The following CTNNA2 variants were observed in gnomAD, a reference collection of about 807,000 sequenced individuals.
CTNNA2 encodes the protein catenin alpha 2.
In CTNNA2, 42 loss-of-function variants were observed where a neutral mutation model predicts 101.0. The observed-to-expected ratio is 0.42, with a 90% CI of 0.32 to 0.54. The LOEUF (loss-of-function observed/expected upper bound fraction) is 0.54, where lower values mean the gene tolerates loss of function less well. CTNNA2 is among the 20% of genes least tolerant of loss of function. The probability of loss-of-function intolerance (pLI) is 0.14; values close to 1 mark genes in which losing one functional copy is unlikely to be tolerated. For synonymous variants in CTNNA2, 450 were observed against 456.4 expected (o/e 0.99, Z 0.18); for missense variants, 871 against 1,223.1 (o/e 0.71, Z 4.29).
intron 9 of CTNNA2, among the ~76,000 whole-genome samples, chr2:80,448,028 A>T (rs1683209067): frequency 6.6e-6 from 1 of 152,246 alleles, no homozygotes; most frequent in Non-Finnish European, 1.5e-5. Context: ...TAAACTCAAC[A>T]AATCAGAGCC....
chr2:80,415,325 G>A (rs915142491), intron 8 of CTNNA2, among the ~76,000 whole-genome samples: 1 of 152,018 alleles, frequency 6.6e-6, no homozygotes, highest in Non-Finnish European at 1.5e-5. Context: ...TTGCTACCTG[G>A]CATGACAAGA....
At chr2:79,871,566 C>G (rs1682581768) in intron 5 of CTNNA2, among the ~76,000 whole-genome samples, 1 of 152,128 alleles carries the variant, frequency 6.6e-6, no homozygotes, top group African/African-American at 2.4e-5. Flanking sequence ...CCTTCCTCCA[C>G]CTTTTTGTTC....
At chr2:80,603,545 G>T (rs1697738305) in intron 15 of CTNNA2, 1 of 151,992 alleles carries the variant, frequency 6.6e-6, no homozygotes, top group Non-Finnish European at 1.5e-5. Flanking sequence ...TTAAATAATA[G>T]AATATAAATA....
intron 3 of CTNNA2, among the ~76,000 whole-genome samples, chr2:79,845,490 A>G (rs564887868): frequency 2.0e-5 from 3 of 152,348 alleles, no homozygotes; most frequent in African/African-American, 7.2e-5. Context: ...ACAAGATGTC[A>G]CTGCTATCCA....
chr2:79,669,161 C>T (rs1215829588), intron 2 of CTNNA2, among the ~76,000 whole-genome samples: 1 of 152,168 alleles, frequency 6.6e-6, no homozygotes, highest in Admixed American at 6.5e-5. Context: ...TGGGGACTAT[C>T]TTTAAGGGCC....
intron 7 of CTNNA2, among the ~76,000 whole-genome samples, chr2:80,080,713 T>G (rs188347687): frequency 1.5e-4 from 23 of 152,218 alleles, no homozygotes; most frequent in Admixed American, 1.2e-3. Flanking sequence ...TTGTAGCACA[T>G]CAAATTCATA....
chr2:80,351,591 A>C (rs2149298841), intron 7 of CTNNA2, among the ~76,000 whole-genome samples: 1 of 152,230 alleles, frequency 6.6e-6, no homozygotes, highest in Non-Finnish European at 1.5e-5. Flanking sequence ...CTGCTCGCTA[A>C]CTGCCTGGGT....
chr2:79,736,826 C>CA (rs1228971174), intron 2 of CTNNA2, among the ~76,000 whole-genome samples: 6 of 152,152 alleles, frequency 3.9e-5, no homozygotes, highest in African/African-American at 1.4e-4. Flanking sequence ...AGGCATCTAG[C>CA]AAAACAATGC....
chr2:80,108,692 C>T (rs72924694), intron 7 of CTNNA2, among the ~76,000 whole-genome samples: 8,430 of 152,228 alleles, frequency 0.055, 781 homozygotes, highest in African/African-American at 0.19. Context: ...GCTGATTTTA[C>T]TCACTTTAGA....
intron 6 of CTNNA2, among the ~76,000 whole-genome samples, chr2:79,909,008 T>C (rs755481581): frequency 6.6e-6 from 1 of 152,226 alleles, no homozygotes; most frequent in African/African-American, 2.4e-5. Flanking sequence ...ATAAGGATAC[T>C]GTCAGTTATT....
intron 7 of CTNNA2, chr2:80,328,358 G>C (rs1559011592): frequency 6.4e-6 from 3 of 470,954 alleles, no homozygotes; most frequent in Middle Eastern, 3.2e-4. Flanking sequence ...AGGTAAAAAG[G>C]CATGTTTGTG....
chr2:79,802,387 G>T (rs1676235355), intron 3 of CTNNA2, among the ~76,000 whole-genome samples: 1 of 152,180 alleles, frequency 6.6e-6, no homozygotes, highest in Non-Finnish European at 1.5e-5. Context: ...TTCTGAAGTT[G>T]CCAAATGGGT....
At chr2:79,785,711 A>G (rs1357363083) in intron 3 of CTNNA2, among the ~76,000 whole-genome samples, 1 of 152,136 alleles carries the variant, frequency 6.6e-6, no homozygotes, top group Non-Finnish European at 1.5e-5. Context: ...TGCCTAGAGA[A>G]GTGCCTGACA....
At chr2:80,285,959 C>T (rs1309185235) in intron 7 of CTNNA2, among the ~76,000 whole-genome samples, 1 of 152,042 alleles carries the variant, frequency 6.6e-6, no homozygotes, top group African/African-American at 2.4e-5. Context: ...CTTCCTCTTA[C>T]CAGGGAAATT....
chr2:79,736,264 T>C (rs1407439636), intron 2 of CTNNA2, among the ~76,000 whole-genome samples: 2 of 152,212 alleles, frequency 1.3e-5, no homozygotes, highest in Non-Finnish European at 2.9e-5. Flanking sequence ...TAATAGAGTA[T>C]ACCAGAAGGT....
intron 4 of CTNNA2, among the ~76,000 whole-genome samples, chr2:79,411,217 G>A (rs563833165): frequency 1.3e-5 from 2 of 151,946 alleles, no homozygotes; most frequent in African/African-American, 2.4e-5. Flanking sequence ...CTTGCTAGCG[G>A]TCTATCAATT....
At chr2:80,397,209 T>A (rs17019161) in intron 8 of CTNNA2, among the ~76,000 whole-genome samples, 6,692 of 152,270 alleles carry the variant, frequency 0.044, 512 homozygotes, top group African/African-American at 0.15. Flanking sequence ...ATGGAGAGCT[T>A]GTAAAATCAC....
chr2:80,256,443 C>T (rs1672156962), intron 7 of CTNNA2, among the ~76,000 whole-genome samples: 1 of 152,080 alleles, frequency 6.6e-6, no homozygotes, highest in Non-Finnish European at 1.5e-5. Context: ...ACTGTGACAA[C>T]ATGGCAAGAA....
At chr2:79,933,335 C>T (rs186646969) in intron 7 of CTNNA2, among the ~76,000 whole-genome samples, 32 of 152,156 alleles carry the variant, frequency 2.1e-4, no homozygotes, top group Admixed American at 3.9e-4. Flanking sequence ...CAACACTGTT[C>T]GGCTAGGATT....
Sources: allele counts gnomAD v4.1 joint callset (sites outside exome capture counted in the v4.1 genomes callset), GRCh38; gene constraint gnomAD v4.1.1; transcripts MANE v1.5; gene names NCBI Gene and HGNC (gene_info 2026-07-23, HGNC 2026-07-21).